Variants in IQCB1 observed in about 807,000 individuals in gnomAD.
The protein encoded by IQCB1 is IQ calmodulin-binding motif-containing protein 1.
IQCB1 carries 56 observed loss-of-function variants against 84.4 expected under a neutral mutation model. That is an observed-to-expected ratio of 0.66 (90% CI 0.54 to 0.83). The LOEUF is 0.83. IQCB1 is among the 40% of genes least tolerant of loss of function. IQCB1 has a pLI of 0.00. For synonymous variants in IQCB1, 210 were observed against 234.8 expected (o/e 0.89, Z 0.96); for missense variants, 629 against 682.1 (o/e 0.92, Z 0.87).
chr3:121,772,792 GAC>G, intron 13 of IQCB1, 79 bp from the exon 14 acceptor site: 1 of 1,285,986 alleles, frequency 7.8e-7, no homozygotes, highest in Non-Finnish European at 1.1e-6. Context: ...AGAGGTTTTA[GAC>G]TGCTTAGCTG....
In IQCB1 at chr3:121,808,813, T is replaced by C. The variant is rs977235526; in HGVS notation, c.487+103A>G. 3 of 729,078 alleles carry C rather than the reference T, an allele frequency of 4.1e-6. No homozygotes were observed. In the Admixed American group the frequency reaches 6.3e-5, roughly 15 times the overall value. 45.2% of individuals were successfully genotyped at this position (729,078 alleles called of 1,614,324 possible). On this transcript the variant is annotated intron_variant, in intron 6 of 14. Transcript: ENST00000310864. ...CAACATGGTTTCATTTCAGTGTGGT[T>C]ATCTGCACAGTTCATGTGGCATTTG...
intron 6 of IQCB1, among the ~76,000 whole-genome samples, chr3:121,807,879 T>C (rs1358159574): frequency 2.0e-5 from 3 of 152,022 alleles, no homozygotes; most frequent in African/African-American, 7.2e-5. Context: ...TTTTATATAA[T>C]AATGAATACG....
At chr3:121,802,521 C>T (rs1380634075) in intron 7 of IQCB1, among the ~76,000 whole-genome samples, 1 of 151,950 alleles carries the variant, frequency 6.6e-6, no homozygotes, top group Non-Finnish European at 1.5e-5. Context: ...TGTATTATGT[C>T]TTTTCCTTTC....
intron 10 of IQCB1, among the ~76,000 whole-genome samples, chr3:121,792,627 A>AC (rs1215763721): frequency 7.6e-6 from 1 of 131,930 alleles, no homozygotes; most frequent in Admixed American, 9.2e-5. Context: ...GCGCCACTGC[A>AC]CTCCCGCCTG....
intron 12 of IQCB1, among the ~76,000 whole-genome samples, chr3:121,786,802 A>G (rs1003526281): frequency 8.5e-5 from 13 of 152,218 alleles, no homozygotes; most frequent in African/African-American, 3.1e-4. Flanking sequence ...GCAAACCAGG[A>G]TATTTCACTT....
At chr3:121,807,705 T>C (rs980699499) in intron 6 of IQCB1, among the ~76,000 whole-genome samples, 1 of 151,966 alleles carries the variant, frequency 6.6e-6, no homozygotes, top group East Asian at 1.9e-4. Context: ...TCTCTTTAAA[T>C]TGAAAATATC....
intron 2 of IQCB1, among the ~76,000 whole-genome samples, chr3:121,829,279 TAGGATAGG>T (rs1950555255): frequency 6.6e-6 from 1 of 152,202 alleles, no homozygotes; most frequent in Admixed American, 6.5e-5. Context: ...ACAATAATTC[TAGGATAGG>T]AATTAACTTC....
intron 10 of IQCB1, among the ~76,000 whole-genome samples, chr3:121,793,398 A>C (rs1336006547): frequency 6.6e-6 from 1 of 152,210 alleles, no homozygotes; most frequent in Non-Finnish European, 1.5e-5. Context: ...TGGACCCATA[A>C]GTGTGACCAG....
At chr3:121,784,740 G>T (rs1169674820) in intron 12 of IQCB1, among the ~76,000 whole-genome samples, 1 of 152,100 alleles carries the variant, frequency 6.6e-6, no homozygotes, top group African/African-American at 2.4e-5. Context: ...GGAGTGCAGT[G>T]GCTTGATTAT....
rs748749379 is a variant in IQCB1, at chr3:121,807,450, G to C, written c.488-7C>G. Reference sequence around the variant, plus strand: ...AAATGATCACTTTGTAGTACTAAAGGAAAAGAAAAAAAAAGAAAGATTAAA... The same window carrying C: ...AAATGATCACTTTGTAGTACTAAAGCAAAAGAAAAAAAAAGAAAGATTAAA... On this transcript the variant is annotated splice_polypyrimidine_tract_variant and splice_region_variant and intron_variant, in intron 6 of 14. Coordinates refer to ENST00000310864, the MANE Select transcript of IQCB1 (RefSeq NM_001023570.4). The C allele has an allele frequency of 1.4e-5, 19 of 1,316,802 alleles. No homozygotes were observed. The highest frequency in any genetic ancestry group is 2.0e-5 in the Non-Finnish European group (18 of 917,228). 81.6% of individuals were successfully genotyped at this position (1,316,802 alleles called of 1,614,324 possible). A position where few individuals can be genotyped will look rare whatever the true frequency, so the allele number is the denominator to read the frequency against.
At position 121,770,439 on chromosome 3, in the gene IQCB1, A is replaced by G. The variant is rs145400780; in HGVS notation, c.1703T>C (p.Leu568Pro). Residue 568 changes from leucine (L) to proline (P), a missense_variant, in exon 15 of 15, where the codon CTT (leucine) becomes CCT (proline). Transcript: ENST00000310864. Reference protein sequence around the residue: ...KHIQAPWWKKLGEESGDEIDV... With the variant: ...KHIQAPWWKKPGEESGDEIDV... Reference sequence around the variant, plus strand: ...AATCTCATCTCCAGATTCTTCTCCAAGCTTCTTCCACCAGGGTGCTTGTAT... The same window carrying G: ...AATCTCATCTCCAGATTCTTCTCCAGGCTTCTTCCACCAGGGTGCTTGTAT... The G allele has an allele frequency of 2.7e-4, 434 of 1,614,184 alleles. No individual in the cohort carries two copies. The African/African-American group carries it at 5.2e-3, about 19-fold the overall frequency.
chr3:121,803,812 A>C (rs1027305713), intron 7 of IQCB1, among the ~76,000 whole-genome samples: 4 of 152,110 alleles, frequency 2.6e-5, no homozygotes, highest in Admixed American at 2.6e-4. Flanking sequence ...CCACCCCATT[A>C]CTTTTAACCT....
intron 5 of IQCB1, among the ~76,000 whole-genome samples, chr3:121,810,595 T>C (rs1415798742): frequency 6.6e-6 from 1 of 151,604 alleles, no homozygotes. Context: ...AATACATAAT[T>C]TTAATAATAT....
At position 121,788,398 on chromosome 3, in the gene IQCB1, C is replaced by A; in HGVS notation, c.1164G>T (p.Glu388Asp). 6.2e-7 allele frequency: 1 copy of A among 1,613,840 alleles called. No homozygotes were observed. The highest frequency in any genetic ancestry group is 8.5e-7 in the Non-Finnish European group (1 of 1,179,814). ...QVEKHYREME[E>D]KSALIIQKHW... is the part of the protein sequence containing the mutation. ...GTTTCTGGATAATCAGTGCTGATTT[C>A]TCTTCCATTTCCCGATAGTGTTTCT... The change falls in exon 12 of 15, where the codon GAG (glutamate) becomes GAT (aspartate). Residue 388 changes from glutamate (E) to aspartate (D), a missense_variant. Physicochemically the swap from Glu to Asp is conservative, Grantham distance 45. Transcript: ENST00000310864.
At chr3:121,794,073 A>G (rs779141375) in intron 10 of IQCB1, among the ~76,000 whole-genome samples, 24 of 152,166 alleles carry the variant, frequency 1.6e-4, no homozygotes, top group Admixed American at 2.6e-4. Flanking sequence ...TTGGGTAGAA[A>G]AATATACACT....
chr3:121,791,296 T>C (rs1287219959), intron 10 of IQCB1, among the ~76,000 whole-genome samples: 1 of 152,200 alleles, frequency 6.6e-6, no homozygotes, highest in African/African-American at 2.4e-5. Context: ...GACTTCATTA[T>C]AGTATAGTTA....
chr3:121,786,038 GTGCAA>G, intron 12 of IQCB1, among the ~76,000 whole-genome samples: 1 of 142,370 alleles, frequency 7.0e-6, no homozygotes, highest in African/African-American at 2.5e-5. Flanking sequence ...GGGCCTGGTG[GTGCAA>G]GCCTGTAGTC....
Position 121,828,926 on chromosome 3 carries a change from G to A in IQCB1, c.35C>T (p.Ser12Phe). 1 of 1,611,466 alleles carries A rather than the reference G, an allele frequency of 6.2e-7. No individual in the cohort carries two copies. The highest frequency in any genetic ancestry group is 8.5e-7 in the Non-Finnish European group (1 of 1,178,422). ...KPTGTDPRIL[S>F]IAAEVAKSPE... is the part of the protein sequence containing the mutation. ...GCTTTTTGCAACTTCAGCAGCTATA[G>A]ATAAGATCCTTGGGTCTGTACCTGT... The change falls in exon 3 of 15, where the codon TCT becomes TTT. Residue 12 changes from serine (S) to phenylalanine (F), a missense_variant. Transcript: ENST00000310864.
intron 7 of IQCB1, among the ~76,000 whole-genome samples, chr3:121,802,178 A>G (rs1176494452): frequency 6.6e-6 from 1 of 151,650 alleles, no homozygotes; most frequent in Non-Finnish European, 1.5e-5. Context: ...CTCCTTTTCG[A>G]TTTTCTAGAA....
Sources: gnomAD v4.1 joint callset for allele counts (sites outside exome capture counted in the v4.1 genomes callset) on GRCh38, gnomAD v4.1.1 for gene constraint, MANE v1.5 for transcripts, NCBI Gene and HGNC (gene_info 2026-07-23, HGNC 2026-07-21) for gene names.